The following RBMS3 variants were observed in gnomAD, a reference collection of about 807,000 sequenced individuals.
RBMS3 encodes the protein RNA binding motif single stranded interacting protein 3.
RBMS3 carries 27 observed loss-of-function variants against 66.8 expected under a neutral mutation model. That is an observed-to-expected ratio of 0.40 (90% confidence interval 0.30 to 0.56). The LOEUF (loss-of-function observed/expected upper bound fraction) is 0.56. Among genes scored for constraint, RBMS3 ranks in the 20% least tolerant of loss-of-function variants. RBMS3 has a pLI of 0.40. For synonymous variants in RBMS3, 188 were observed against 183.0 expected (o/e 1.03, Z -0.22); for missense variants, 513 against 549.5 (o/e 0.93, Z 0.66).
At chr3:29,810,143 T>C (rs533661142) in intron 6 of RBMS3, among the ~76,000 whole-genome samples, 92 of 152,164 alleles carry the variant, frequency 6.0e-4, no homozygotes, top group African/African-American at 2.2e-3. Context: ...TCATCCTTAT[T>C]ATAATTTGAC....
chr3:29,378,210 C>T (rs1575658493), intron 1 of RBMS3, among the ~76,000 whole-genome samples: 1 of 152,094 alleles, frequency 6.6e-6, no homozygotes, highest in Non-Finnish European at 1.5e-5. Flanking sequence ...CGGTGGCTCA[C>T]GCCTGTAATC....
At chr3:29,430,898 G>A (rs1490833922) in intron 1 of RBMS3, among the ~76,000 whole-genome samples, 1 of 152,186 alleles carries the variant, frequency 6.6e-6, no homozygotes, top group Non-Finnish European at 1.5e-5. Context: ...TTTTAAGAGA[G>A]TAAGGCATAT....
intron 5 of RBMS3, among the ~76,000 whole-genome samples, chr3:29,753,065 A>T (rs1469968374): frequency 6.6e-6 from 1 of 152,224 alleles, no homozygotes; most frequent in Non-Finnish European, 1.5e-5. Context: ...ATAGCCACCT[A>T]AATGCCAGAA....
chr3:29,573,544 T>A (rs2047011456), intron 3 of RBMS3, among the ~76,000 whole-genome samples: 1 of 152,182 alleles, frequency 6.6e-6, no homozygotes, highest in African/African-American at 2.4e-5. Context: ...ATCTTTTGTA[T>A]TATTTTCTTT....
chr3:29,792,340 G>T (rs1576817722), intron 6 of RBMS3, among the ~76,000 whole-genome samples: 1 of 152,228 alleles, frequency 6.6e-6, no homozygotes, highest in East Asian at 1.9e-4. Context: ...CCTAGCAAAG[G>T]AGTTAAAATA....
intron 7 of RBMS3, among the ~76,000 whole-genome samples, chr3:29,883,794 TG>T (rs1435759218): frequency 2.6e-5 from 4 of 152,054 alleles, no homozygotes; most frequent in Non-Finnish European, 4.4e-5. Context: ...TTATCCTAAC[TG>T]CAGGATTCGT....
chr3:29,930,097 T>TTTC (rs2061069794), intron 10 of RBMS3, among the ~76,000 whole-genome samples: 2 of 75,158 alleles, frequency 2.7e-5, no homozygotes, highest in East Asian at 3.8e-4. Context: ...TTTGTGTCAC[T>TTTC]TTTCTTTCTT....
At chr3:29,892,802 A>AGTATGTTTGTAT (rs1553694235) in intron 8 of RBMS3, among the ~76,000 whole-genome samples, 12 of 140,184 alleles carry the variant, frequency 8.6e-5, no homozygotes, top group Non-Finnish European at 1.7e-4. Context: ...CTCTGCTTGA[A>AGTATGTTTGTAT]GTATGTATGT....
At chr3:29,744,783 C>T (rs886873952) in intron 5 of RBMS3, among the ~76,000 whole-genome samples, 10 of 87,816 alleles carry the variant, frequency 1.1e-4, no homozygotes, top group South Asian at 9.0e-4. Context: ...GACTCCGTCT[C>T]GGAAAAAAAA....
At chr3:29,934,892 C>G (rs1256353372) in intron 10 of RBMS3, among the ~76,000 whole-genome samples, 1 of 151,862 alleles carries the variant, frequency 6.6e-6, no homozygotes, top group Non-Finnish European at 1.5e-5. Context: ...GGAAGAATTG[C>G]TTAGTTTGAG....
At chr3:29,473,298 C>T (rs555217879) in intron 2 of RBMS3, among the ~76,000 whole-genome samples, 3 of 152,328 alleles carry the variant, frequency 2.0e-5, no homozygotes, top group South Asian at 4.1e-4. Flanking sequence ...GGTGTATTTA[C>T]AATCCCTTAG....
intron 1 of RBMS3, among the ~76,000 whole-genome samples, chr3:29,412,149 T>C (rs1039583835): frequency 6.6e-6 from 1 of 152,234 alleles, no homozygotes; most frequent in African/African-American, 2.4e-5. Flanking sequence ...ATTCACTTTG[T>C]ACATATATAG....
intron 6 of RBMS3, among the ~76,000 whole-genome samples, chr3:29,854,129 C>T (rs1010353690): frequency 7.2e-5 from 11 of 152,162 alleles, no homozygotes; most frequent in Non-Finnish European, 1.6e-4. Flanking sequence ...TCCCCAGGGA[C>T]ACCTTTCCTG....
chr3:29,493,647 T>A (rs1194729012), intron 3 of RBMS3, among the ~76,000 whole-genome samples: 3 of 151,116 alleles, frequency 2.0e-5, no homozygotes, highest in African/African-American at 4.9e-5. Flanking sequence ...AAGAAAAAAA[T>A]ACAGCTCTTG....
chr3:29,981,506 C>A (rs1697993140), intron 12 of RBMS3, among the ~76,000 whole-genome samples: 1 of 152,120 alleles, frequency 6.6e-6, no homozygotes, highest in Non-Finnish European at 1.5e-5. Context: ...TTGTCTTGTG[C>A]TTGTTTTCAA....
chr3:29,612,774 G>A (rs1222978719), intron 4 of RBMS3, among the ~76,000 whole-genome samples: 1 of 152,018 alleles, frequency 6.6e-6, no homozygotes, highest in Non-Finnish European at 1.5e-5. Flanking sequence ...TGCCTTTTTG[G>A]CCAGTAGTCA....
At chr3:29,844,288 A>G (rs1246294350) in intron 6 of RBMS3, among the ~76,000 whole-genome samples, 2 of 152,020 alleles carry the variant, frequency 1.3e-5, no homozygotes, top group Non-Finnish European at 2.9e-5. Context: ...ATCTGTTCCC[A>G]TGGGGACCTG....
intron 3 of RBMS3, among the ~76,000 whole-genome samples, chr3:29,501,184 CAT>C (rs1375112439): frequency 1.3e-5 from 2 of 152,156 alleles, no homozygotes; most frequent in Non-Finnish European, 2.9e-5. Flanking sequence ...GCATTGATAT[CAT>C]GTGTATATGT....
At chr3:29,389,573 C>T (rs1475244915) in intron 1 of RBMS3, among the ~76,000 whole-genome samples, 2 of 152,180 alleles carry the variant, frequency 1.3e-5, no homozygotes, top group Non-Finnish European at 2.9e-5. Context: ...CACTCACTAT[C>T]TTGATTCAGC....
Sources: allele counts gnomAD v4.1 joint callset (sites outside exome capture counted in the v4.1 genomes callset), GRCh38; gene constraint gnomAD v4.1.1; transcripts MANE v1.5; gene names NCBI Gene and HGNC (gene_info 2026-07-23, HGNC 2026-07-21).